Variants in ATXN1 observed in about 807,000 individuals in gnomAD.
The protein encoded by ATXN1 is ataxin-1.
A neutral mutation model predicts 56.4 loss-of-function variants in ATXN1; 8 were observed. That is an observed-to-expected ratio of 0.14 (90% CI 0.08 to 0.26). The LOEUF (loss-of-function observed/expected upper bound fraction) is 0.26. ATXN1 is among the 10% of genes least tolerant of loss of function. ATXN1 has a pLI of 1.00. For synonymous variants in ATXN1, 514 were observed against 494.6 expected (o/e 1.04, Z -0.52); for missense variants, 987 against 1,106.5 (o/e 0.89, Z 1.53).
intron 5 of ATXN1, among the ~76,000 whole-genome samples, chr6:16,493,676 A>T (rs1436172261): frequency 6.6e-6 from 1 of 152,100 alleles, no homozygotes; most frequent in Non-Finnish European, 1.5e-5. Flanking sequence ...TTTGTTGATT[A>T]ACTGATTGAT....
chr6:16,518,649 C>T (rs777699187), intron 5 of ATXN1, among the ~76,000 whole-genome samples: 6 of 152,160 alleles, frequency 3.9e-5, no homozygotes, highest in Non-Finnish European at 8.8e-5. Context: ...AAAAACCTTC[C>T]CTCCCCTAAA....
intron 3 of ATXN1, among the ~76,000 whole-genome samples, chr6:16,645,607 C>G (rs1180746167): frequency 6.6e-6 from 1 of 152,110 alleles, no homozygotes; most frequent in Non-Finnish European, 1.5e-5. Context: ...GCTTTACCAT[C>G]TCCAAGCAGC....
intron 2 of ATXN1, among the ~76,000 whole-genome samples, chr6:16,705,689 A>T (rs1267585496): frequency 6.6e-6 from 1 of 152,138 alleles, no homozygotes; most frequent in African/African-American, 2.4e-5. Context: ...CATGAGAACA[A>T]GGGGCCTGTC....
chr6:16,541,363 A>C (rs1761709871), intron 4 of ATXN1, among the ~76,000 whole-genome samples: 1 of 152,110 alleles, frequency 6.6e-6, no homozygotes, highest in Non-Finnish European at 1.5e-5. Flanking sequence ...TTCTCCTTCC[A>C]CCCCAGCAGA....
intron 6 of ATXN1, among the ~76,000 whole-genome samples, chr6:16,368,781 T>C (rs1326753910): frequency 6.6e-6 from 1 of 152,238 alleles, no homozygotes; most frequent in Non-Finnish European, 1.5e-5. Context: ...ATTCCACATG[T>C]CTTAATCTGC....
chr6:16,542,035 A>T (rs1310456939), intron 4 of ATXN1, among the ~76,000 whole-genome samples: 1 of 151,974 alleles, frequency 6.6e-6, no homozygotes, highest in Non-Finnish European at 1.5e-5. Flanking sequence ...ACCATCTCTT[A>T]AGGCCTTCTG....
intron 5 of ATXN1, among the ~76,000 whole-genome samples, chr6:16,494,539 C>T (rs948593750): frequency 6.6e-6 from 1 of 152,198 alleles, no homozygotes; most frequent in Non-Finnish European, 1.5e-5. Context: ...TTATCATTAG[C>T]ATGGCTTATC....
chr6:16,437,926 G>A (rs919806000), intron 6 of ATXN1, among the ~76,000 whole-genome samples: 2 of 152,210 alleles, frequency 1.3e-5, no homozygotes, highest in African/African-American at 4.8e-5. Context: ...TACTATGGGT[G>A]TTCAAGAAGC....
intron 6 of ATXN1, among the ~76,000 whole-genome samples, chr6:16,370,631 C>G (rs1021930114): frequency 1.4e-4 from 21 of 152,270 alleles, no homozygotes; most frequent in African/African-American, 5.1e-4. Context: ...CCACTATTTA[C>G]ATTTTGATTG....
chr6:16,540,638 T>A (rs560260655), intron 4 of ATXN1, among the ~76,000 whole-genome samples: 4 of 152,326 alleles, frequency 2.6e-5, no homozygotes, highest in Non-Finnish European at 4.4e-5. Context: ...TGGCTGCAGT[T>A]GGGATTCAAA....
intron 3 of ATXN1, among the ~76,000 whole-genome samples, chr6:16,605,241 A>G (rs565015178): frequency 6.6e-6 from 1 of 152,306 alleles, no homozygotes; most frequent in South Asian, 2.1e-4. Context: ...TCTCCTTTAT[A>G]TGTTCAGGCT....
chr6:16,460,467 TCTAGA>T (rs1036550092), intron 6 of ATXN1, among the ~76,000 whole-genome samples: 1 of 152,198 alleles, frequency 6.6e-6, no homozygotes, highest in African/African-American at 2.4e-5. Flanking sequence ...GATCTCACCA[TCTAGA>T]CTACTCATGA....
chr6:16,682,444 G>C (rs1360954734), intron 2 of ATXN1, among the ~76,000 whole-genome samples: 1 of 151,950 alleles, frequency 6.6e-6, no homozygotes, highest in Non-Finnish European at 1.5e-5. Flanking sequence ...TGATCTGTCC[G>C]CCTCGGCCTC....
At chr6:16,677,169 C>T (rs753463469) in intron 2 of ATXN1, among the ~76,000 whole-genome samples, 3 of 152,088 alleles carry the variant, frequency 2.0e-5, no homozygotes, top group Non-Finnish European at 4.4e-5. Context: ...ACAAACAATA[C>T]GGTGTGAATC....
At chr6:16,722,515 T>C (rs1759765208) in intron 2 of ATXN1, among the ~76,000 whole-genome samples, 1 of 152,228 alleles carries the variant, frequency 6.6e-6, no homozygotes, top group Admixed American at 6.5e-5. Context: ...CCTGCCCCAC[T>C]GTTTGTTCAA....
At chr6:16,320,680 G>T (rs180914642) in intron 7 of ATXN1, among the ~76,000 whole-genome samples, 37 of 152,368 alleles carry the variant, frequency 2.4e-4, no homozygotes, top group Admixed American at 4.6e-4. Flanking sequence ...TCTTGCAGAA[G>T]AGGAGCCTGG....
At chr6:16,423,089 C>T (rs1759069300) in intron 6 of ATXN1, among the ~76,000 whole-genome samples, 1 of 152,172 alleles carries the variant, frequency 6.6e-6, no homozygotes, top group Admixed American at 6.5e-5. Flanking sequence ...TATAATCACA[C>T]ACCTCTCTCT....
chr6:16,527,101 T>C (rs1228061973), intron 4 of ATXN1, among the ~76,000 whole-genome samples: 2 of 152,116 alleles, frequency 1.3e-5, no homozygotes, highest in Non-Finnish European at 2.9e-5. Flanking sequence ...AGTGTTAATA[T>C]TTCTAATCTA....
rs112175378 is a variant in ATXN1, at chr6:16,327,755, T to G, written c.556A>C (p.Ser186Arg). The G allele has an allele frequency of 6.2e-7, 1 of 1,608,792 alleles. No individual in the cohort carries two copies. The highest frequency in any genetic ancestry group is 8.5e-7 in the Non-Finnish European group (1 of 1,179,770). ...AYSTLLANMG[S>R]LSQTPGHKAE... ...TTGTGTCCCGGCGTCTGGCTCAGAC[T>G]GCCCATGTTGGCCAGCAGAGTGGAA... is the stretch of plus-strand genomic sequence containing the variant. Residue 186 changes from serine to arginine, a missense_variant, in exon 7 of 8, where the codon AGT becomes CGT. By Grantham distance (110) the Ser-to-Arg change is moderately radical. This residue lies in a region of ATXN1 where 723 missense variants were observed against 791.7 expected (regional missense o/e 0.91). Coordinates refer to ENST00000436367, the MANE Select transcript of ATXN1 (RefSeq NM_001128164.2).
Sources: allele counts gnomAD v4.1 joint callset (sites outside exome capture counted in the v4.1 genomes callset), GRCh38; gene constraint gnomAD v4.1.1; regional missense constraint gnomAD v4.1.1; transcripts MANE v1.5; gene names NCBI Gene and HGNC (gene_info 2026-07-23, HGNC 2026-07-21).